Variants in SH3YL1 observed in about 807,000 individuals in gnomAD.
The protein encoded by SH3YL1 is SH3 domain-containing YSC84-like protein 1.
SH3YL1 carries 41 observed loss-of-function variants against 45.8 expected under a neutral mutation model. The ratio of observed to expected loss-of-function variants is 0.89; its 90% CI spans 0.70 to 1.16. SH3YL1 has a LOEUF of 1.16. Among genes scored for constraint, SH3YL1 ranks in the 50% most tolerant of loss-of-function variants. The pLI is 0.00. For synonymous variants in SH3YL1, 152 were observed against 151.4 expected (o/e 1.00, Z -0.03); for missense variants, 389 against 409.6 (o/e 0.95, Z 0.43).
chr2:229,232 G>A (rs765759402), intron 8 of SH3YL1, among the ~76,000 whole-genome samples: 21 of 152,216 alleles, frequency 1.4e-4, no homozygotes, highest in Middle Eastern at 6.8e-3. Context: ...ATGTCATCTA[G>A]TTTAAAAACC....
At chr2:263,643 C>A in intron 1 of SH3YL1, 2 of 287,770 alleles carry the variant, frequency 6.9e-6, no homozygotes, top group Non-Finnish European at 1.3e-5. Context: ...GCATTCGACC[C>A]AAACTTCAGA....
intron 4 of SH3YL1, among the ~76,000 whole-genome samples, chr2:236,440 G>A (rs1050604011): frequency 4.6e-5 from 7 of 152,084 alleles, no homozygotes; most frequent in East Asian, 3.8e-4. Context: ...AGATATAGGC[G>A]TCAAGTGTAC....
chr2:245,313 T>G (rs1041999135), intron 4 of SH3YL1, among the ~76,000 whole-genome samples: 4 of 152,162 alleles, frequency 2.6e-5, no homozygotes, highest in African/African-American at 9.7e-5. Flanking sequence ...AATTGACATT[T>G]AAAAGTTAAT....
At chr2:225,147 A>T (rs1311793771) in intron 8 of SH3YL1, among the ~76,000 whole-genome samples, 1 of 152,236 alleles carries the variant, frequency 6.6e-6, no homozygotes, top group Non-Finnish European at 1.5e-5. Flanking sequence ...TGTATGACAC[A>T]GAAGTACACA....
intron 4 of SH3YL1, among the ~76,000 whole-genome samples, chr2:236,423 G>T (rs955965963): frequency 1.3e-5 from 2 of 152,146 alleles, no homozygotes; most frequent in Admixed American, 6.5e-5. Context: ...GAACTACTGT[G>T]AGAATCAGAT....
At chr2:234,310 G>T in intron 4 of SH3YL1, 38 bp from the exon 5 acceptor site, 1 of 1,478,366 alleles carries the variant, frequency 6.8e-7, no homozygotes. Context: ...AAATCGTTAA[G>T]ACTAAATATC....
At chr2:236,429 C>T (rs1668306252) in intron 4 of SH3YL1, among the ~76,000 whole-genome samples, 1 of 152,120 alleles carries the variant, frequency 6.6e-6, no homozygotes, top group Admixed American at 6.5e-5. Context: ...CTGTGAGAAT[C>T]AGATATAGGC....
In SH3YL1 at chr2:249,733, C is replaced by G. The variant is rs1235070755; in HGVS notation, c.224G>C (p.Gly75Ala). Residue 75 changes from glycine (G) to alanine (A), a missense_variant and splice_region_variant, in exon 3 of 10, where the codon GGA becomes GCA. Physicochemically the swap from Gly to Ala is moderately conservative, Grantham distance 60. Transcript: ENST00000356150. ...SGIVVARLPDGKWSAPSAIGI... is the reference protein window; with the variant it reads ...SGIVVARLPDAKWSAPSAIGI... ...CCAGTGAACAGACGCCAACTTACTT[C>G]CATCTGGAAGGCGCGCCACTACAAT... 1 of 1,550,418 alleles carries G rather than the reference C, an allele frequency of 6.4e-7. No homozygotes were observed. The highest frequency in any genetic ancestry group is 2.4e-5 in the East Asian group (1 of 40,922).
intron 5 of SH3YL1, 72 bp downstream of exon 5, chr2:234,088 T>G: frequency 8.9e-7 from 1 of 1,117,856 alleles, no homozygotes; most frequent in Non-Finnish European, 1.3e-6. Flanking sequence ...TTAATTCAAG[T>G]TTCCTATTAA....
intron 1 of SH3YL1, chr2:260,421 G>C (rs935249488): frequency 1.3e-5 from 2 of 152,226 alleles, no homozygotes; most frequent in African/African-American, 4.8e-5. Flanking sequence ...GTATCAGGAC[G>C]ACATTCCTTT....
At chr2:239,872 T>C (rs1040243777) in intron 4 of SH3YL1, 1 of 152,180 alleles carries the variant, frequency 6.6e-6, no homozygotes, top group African/African-American at 2.4e-5. Flanking sequence ...CACTATTAAA[T>C]ATTGGTAAGG....
chr2:229,728 CAA>C lies in SH3YL1; in HGVS notation c.781+236_781+237del, dbSNP rs397709071. Among the ~76,000 whole-genome samples, 627 of 93,312 alleles carry C rather than the reference CAA, an allele frequency of 6.7e-3. 6 individuals are homozygous for C. The highest frequency in any genetic ancestry group is 0.025 in the African/African-American group (563 of 22,138). The allele number at this position is 93,312 out of a possible 152,430, so 61.2% of individuals were successfully genotyped here. On this transcript the variant is annotated intron_variant, in intron 8 of 9. Transcript: ENST00000356150. ...TGGGCGACAGAGCGAGACTCCGTCT[CAA>C]AAAAAAAAAAAAAAAAAAAGAAAGT...
rs753689856 is a variant in SH3YL1, at chr2:243,497, A to T, written c.291+4041T>A. The stretch of plus-strand genomic sequence containing the variant: ...TGAGATTAAGGAAAATGAAGACACA[A>T]CATACCCACACTTATGGAAGGCAGC... On this transcript the variant is annotated intron_variant, in intron 4 of 9. Transcript: ENST00000356150. 2.0e-6 allele frequency: 3 copies of T among 1,532,422 alleles called. No homozygotes were observed. In the South Asian group the frequency reaches 3.8e-5, roughly 19 times the overall value. 94.9% of individuals were successfully genotyped at this position (1,532,422 alleles called of 1,614,324 possible).
At chr2:241,626 G>T (rs995504151) in intron 4 of SH3YL1, 4 of 152,034 alleles carry the variant, frequency 2.6e-5, no homozygotes, top group African/African-American at 7.2e-5. Flanking sequence ...TAAAATGCAA[G>T]AGAAAATCTG....
intron 4 of SH3YL1, among the ~76,000 whole-genome samples, chr2:244,192 C>A (rs1335135981): frequency 7.2e-6 from 1 of 139,674 alleles, no homozygotes; most frequent in Non-Finnish European, 1.6e-5. Context: ...AGCATGTGTA[C>A]AAGTTTTGTA....
At chr2:227,046 T>C (rs1375926181) in intron 8 of SH3YL1, among the ~76,000 whole-genome samples, 1 of 151,582 alleles carries the variant, frequency 6.6e-6, no homozygotes, top group African/African-American at 2.4e-5. Context: ...GAAATGTGCA[T>C]GGTAGGAAAT....
chr2:230,021 T>C lies in SH3YL1; in HGVS notation c.726A>G (p.Pro242=), dbSNP rs1667963279. The C allele has an allele frequency of 5.0e-6, 8 of 1,608,868 alleles. No individual in the cohort carries two copies. The highest frequency in any genetic ancestry group is 6.8e-6 in the Non-Finnish European group (8 of 1,176,890). ...KSSAKELPPK[P]LSRPQQSSAP... Reference sequence around the variant, plus strand: ...CAGATGACTGCTGTGGTCTTGACAATGGCTTTGGAGGTAATTCTTTAGCCT... The same window carrying C: ...CAGATGACTGCTGTGGTCTTGACAACGGCTTTGGAGGTAATTCTTTAGCCT... Residue 242 remains proline, a synonymous_variant, in exon 8 of 10, where the codon CCA becomes CCG. Transcript: ENST00000356150.
intron 2 of SH3YL1, 84 bp downstream of exon 2, chr2:252,921 C>A (rs745756730): frequency 1.3e-6 from 1 of 783,000 alleles, no homozygotes; most frequent in East Asian, 2.7e-5. Context: ...GAGGCTTCTG[C>A]CTGAAATGGA....
chr2:235,433 G>GGCA (rs1173085188), intron 4 of SH3YL1, among the ~76,000 whole-genome samples: 1 of 75,024 alleles, frequency 1.3e-5, no homozygotes. Context: ...GGTCAGGGGA[G>GGCA]GCAGCATGGG....
Sources: gnomAD v4.1 joint callset for allele counts (sites outside exome capture counted in the v4.1 genomes callset) on GRCh38, gnomAD v4.1.1 for gene constraint, MANE v1.5 for transcripts, NCBI Gene and HGNC (gene_info 2026-07-23, HGNC 2026-07-21) for gene names.